The following EEFSEC variants were observed in gnomAD, a reference collection of about 807,000 sequenced individuals.
EEFSEC encodes eukaryotic elongation factor, selenocysteine-tRNA specific, also known as selenocysteine-specific elongation factor.
A neutral mutation model predicts 42.1 loss-of-function variants in EEFSEC; 43 were observed. The observed-to-expected ratio is 1.02, with a 90% confidence interval of 0.80 to 1.32. The LOEUF (loss-of-function observed/expected upper bound fraction) is 1.32, where lower values mean the gene tolerates loss of function less well. Ranked by LOEUF, EEFSEC falls within the 40% of genes most tolerant of loss-of-function variation. The pLI, the probability that EEFSEC is intolerant of heterozygous loss-of-function variation, is 0.00. For synonymous variants in EEFSEC, 354 were observed against 339.1 expected, an observed-to-expected ratio of 1.04 and a Z score of -0.48; for missense variants, 745 against 803.6, an observed-to-expected ratio of 0.93 and a Z score of 0.88.
At chr3:128,320,047 C>T (rs1392589304) in intron 4 of EEFSEC, among the ~76,000 whole-genome samples, 3 of 152,222 alleles carry the variant, frequency 2.0e-5, no homozygotes, top group Non-Finnish European at 2.9e-5. Flanking sequence ...TGTCCTGCCT[C>T]GGTGCACAGC....
chr3:128,390,391 G>A (rs1330745720), intron 6 of EEFSEC, among the ~76,000 whole-genome samples: 5 of 152,248 alleles, frequency 3.3e-5, no homozygotes, highest in African/African-American at 1.2e-4. Context: ...ATGTGGGGAA[G>A]GGACCTTTTC....
At chr3:128,219,155 TGG>T (rs1202514103) in intron 1 of EEFSEC, among the ~76,000 whole-genome samples, 11 of 152,216 alleles carry the variant, frequency 7.2e-5, no homozygotes, top group Non-Finnish European at 1.5e-4. Context: ...TTTGGTGCAG[TGG>T]TACCATTTCC....
At chr3:128,394,651 G>A (rs1341007324) in intron 6 of EEFSEC, among the ~76,000 whole-genome samples, 3 of 152,072 alleles carry the variant, frequency 2.0e-5, no homozygotes, top group South Asian at 2.1e-4. Flanking sequence ...ATTAAAATTC[G>A]GCTCCCTTGG....
chr3:128,316,038 A>G (rs1322087315), intron 4 of EEFSEC, among the ~76,000 whole-genome samples: 9 of 152,176 alleles, frequency 5.9e-5, no homozygotes, highest in African/African-American at 2.2e-4. Context: ...TTTTATTGTG[A>G]TATTTTATGC....
At chr3:128,399,016 G>A (rs1398504664) in intron 6 of EEFSEC, among the ~76,000 whole-genome samples, 3 of 151,976 alleles carry the variant, frequency 2.0e-5, no homozygotes, top group African/African-American at 7.3e-5. Flanking sequence ...CTGTATAATT[G>A]AGACTCAGGG....
At chr3:128,338,480 G>A (rs371539389) in intron 4 of EEFSEC, among the ~76,000 whole-genome samples, 2 of 152,180 alleles carry the variant, frequency 1.3e-5, no homozygotes, top group Non-Finnish European at 2.9e-5. Context: ...GTCAGGTTCC[G>A]ATGGTCAGCT....
In EEFSEC at chr3:128,246,776, A is replaced by T. The variant is rs964589292; in HGVS notation, c.317-60A>T. 26 of 1,590,760 alleles carry T rather than the reference A, an allele frequency of 1.6e-5. No individual in the cohort carries two copies. The African/African-American group carries it at 3.2e-4, about 20-fold the overall frequency. On this transcript the variant is annotated intron_variant, in intron 1 of 6. Transcript: ENST00000254730. ...AGTGCTTTGACCTGGGGCATTGGGC[A>T]ACTTTCTGTGGGGCTCACCACCCCT... is the stretch of plus-strand genomic sequence containing the variant.
chr3:128,173,864 A>C (rs1471321677), intron 1 of EEFSEC, among the ~76,000 whole-genome samples: 8 of 152,152 alleles, frequency 5.3e-5, no homozygotes, highest in Non-Finnish European at 1.2e-4. Flanking sequence ...ATGGTGCCCC[A>C]AGTGAAGATA....
intron 4 of EEFSEC, among the ~76,000 whole-genome samples, chr3:128,306,196 T>C (rs2066824875): frequency 6.6e-6 from 1 of 152,194 alleles, no homozygotes; most frequent in Non-Finnish European, 1.5e-5. Flanking sequence ...TTGTAAATGA[T>C]CCAACGGCTT....
chr3:128,261,091 G>T (rs2066292376), intron 2 of EEFSEC, among the ~76,000 whole-genome samples: 1 of 152,114 alleles, frequency 6.6e-6, no homozygotes, highest in African/African-American at 2.4e-5. Flanking sequence ...GTAAATTCTG[G>T]GTCGTACCAT....
intron 4 of EEFSEC, among the ~76,000 whole-genome samples, chr3:128,332,394 A>C (rs1351378870): frequency 6.6e-6 from 1 of 152,228 alleles, no homozygotes; most frequent in Non-Finnish European, 1.5e-5. Context: ...TATTAGCATG[A>C]TATACTTAAC....
intron 4 of EEFSEC, among the ~76,000 whole-genome samples, chr3:128,283,872 C>T (rs974215485): frequency 2.6e-5 from 4 of 152,198 alleles, no homozygotes; most frequent in Admixed American, 1.3e-4. Flanking sequence ...TCAGCACCCG[C>T]CCAAATGGGA....
intron 4 of EEFSEC, among the ~76,000 whole-genome samples, chr3:128,304,908 T>G (rs1042303675): frequency 6.6e-6 from 1 of 152,182 alleles, no homozygotes; most frequent in Non-Finnish European, 1.5e-5. Flanking sequence ...TTCACCATGT[T>G]GCCCAAGCTG....
intron 4 of EEFSEC, among the ~76,000 whole-genome samples, chr3:128,300,561 A>G (rs1037297173): frequency 3.1e-5 from 4 of 127,314 alleles, no homozygotes; most frequent in Admixed American, 1.6e-4. Flanking sequence ...AAAAAAAAAA[A>G]AGGCCAGTGT....
At chr3:128,222,096 C>A (rs967347183) in intron 1 of EEFSEC, among the ~76,000 whole-genome samples, 9 of 144,172 alleles carry the variant, frequency 6.2e-5, no homozygotes. Flanking sequence ...TGCAGTGGCA[C>A]GATCTCAGCT....
At chr3:128,181,633 C>T (rs1320454485) in intron 1 of EEFSEC, among the ~76,000 whole-genome samples, 2 of 152,210 alleles carry the variant, frequency 1.3e-5, no homozygotes, top group Admixed American at 1.3e-4. Flanking sequence ...CACTGCTCCC[C>T]CAGTATGTCT....
intron 4 of EEFSEC, among the ~76,000 whole-genome samples, chr3:128,280,812 A>G (rs186515962): frequency 2.7e-4 from 41 of 152,088 alleles, no homozygotes; most frequent in Admixed American, 5.2e-4. Flanking sequence ...TTCCCCTCCC[A>G]GCTGTTTCTG....
At chr3:128,375,676 A>G (rs923427579) in intron 6 of EEFSEC, among the ~76,000 whole-genome samples, 1 of 152,070 alleles carries the variant, frequency 6.6e-6, no homozygotes, top group Non-Finnish European at 1.5e-5. Context: ...CAGGTCCTCA[A>G]TGTTCTCCTC....
At chr3:128,175,902 C>T (rs1374560605) in intron 1 of EEFSEC, among the ~76,000 whole-genome samples, 1 of 152,204 alleles carries the variant, frequency 6.6e-6, no homozygotes, top group African/African-American at 2.4e-5. Context: ...AGCTGAGGCT[C>T]AGCATGCTGG....
Sources: gnomAD v4.1 joint callset for allele counts (sites outside exome capture counted in the v4.1 genomes callset) on GRCh38, gnomAD v4.1.1 for gene constraint, MANE v1.5 for transcripts, NCBI Gene and HGNC (gene_info 2026-07-23, HGNC 2026-07-21) for gene names.